The following PPP1R13L variants were observed in gnomAD, a reference collection of about 807,000 sequenced individuals.
PPP1R13L encodes protein phosphatase 1 regulatory subunit 13 like, also known as relA-associated inhibitor.
A neutral mutation model predicts 80.9 loss-of-function variants in PPP1R13L; 50 were observed. That is an observed-to-expected ratio of 0.62 (90% CI 0.49 to 0.78). The LOEUF is 0.78. PPP1R13L is among the 30% of genes least tolerant of loss of function. The probability of loss-of-function intolerance (pLI) is 0.00; values close to 1 mark genes in which losing one functional copy is unlikely to be tolerated. For synonymous variants in PPP1R13L, 602 were observed against 534.3 expected, an observed-to-expected ratio of 1.13 and a Z score of -1.75; for missense variants, 1,200 against 1,205.9, an observed-to-expected ratio of 1.00 and a Z score of 0.07.
intron 1 of PPP1R13L, among the ~76,000 whole-genome samples, chr19:45,398,725 A>G (rs1973168506): frequency 6.7e-6 from 1 of 149,590 alleles, no homozygotes; most frequent in Non-Finnish European, 1.5e-5. Flanking sequence ...CTGGGACTAC[A>G]AGCGCGCGCC....
chr19:45,393,027 A>C (rs1393683329), intron 7 of PPP1R13L: 1 of 147,780 alleles, frequency 6.8e-6, no homozygotes, highest in East Asian at 2.0e-4. Context: ...AAAAAAAAAA[A>C]AAAAAAAAAT....
In PPP1R13L at chr19:45,385,887, T is replaced by G; in HGVS notation, c.2018A>C (p.Tyr673Ser). The G allele has an allele frequency of 6.2e-7, 1 of 1,610,690 alleles. No individual in the cohort carries two copies. Among genetic ancestry groups the G allele is most frequent in the East Asian group, 2.2e-5 (1 of 44,752 alleles). The change falls in exon 10 of 13, where the codon TAC (tyrosine) becomes TCC (serine). Residue 673 changes from tyrosine (Y) to serine (S), a missense_variant. Physicochemically the swap from Tyr to Ser is moderately radical, Grantham distance 144. This residue lies in a region of PPP1R13L where 214 missense variants were observed against 199.6 expected (regional missense o/e 1.07). Coordinates refer to ENST00000360957, the MANE Select transcript of PPP1R13L (RefSeq NM_006663.4). ...GGTGATGAGGAAATCCACGATAGAG[T>G]AGTTGGCGCCGCAGATGGCGTTGTG... ...ALHNAICGAN[Y>S]SIVDFLITAG...
chr19:45,396,577 C>T lies in PPP1R13L; in HGVS notation c.680G>A (p.Gly227Asp), dbSNP rs762326585. 6.6e-6 allele frequency: 10 copies of T among 1,505,104 alleles called. No individual in the cohort carries two copies. The South Asian group carries it at 1.2e-4, about 18-fold the overall frequency. 93.2% of individuals were successfully genotyped at this position (1,505,104 alleles called of 1,614,324 possible). ...GCGCAGAGGCGGGGCGAATGCGCTG[C>T]CGCCGGAGCCTAGCAGGGAGCTCCC... The part of the protein sequence containing the change: ...AFGSSLLGSG[G>D]SAFAPPLRAQ... The change falls in exon 4 of 13, where the codon GGC becomes GAC. Residue 227 changes from glycine (G) to aspartate (D), a missense_variant. Physicochemically the swap from Gly to Asp is moderately conservative, Grantham distance 94. Coordinates refer to ENST00000360957, the MANE Select transcript of PPP1R13L (RefSeq NM_006663.4). The surrounding 1 kb of genome is among the most constrained non-coding windows in gnomAD (Gnocchi z 5.3).
Position 45,396,397 on chromosome 19 carries a change from T to C in PPP1R13L, c.752A>G (p.Asn251Ser). ...GTACGCCACGTCCAGGTCAGACTCG[T>C]TCCAGGCTTTCGGAGGCCGCCGGCG... is the stretch of plus-strand genomic sequence containing the variant. ...TLRRRPPKAW[N>S]ESDLDVAYEK... Residue 251 changes from asparagine to serine, a missense_variant, in exon 5 of 13, where the codon AAC becomes AGC. Asn to Ser is a conservative substitution (Grantham distance 46). This residue lies in a region of PPP1R13L where 764 missense variants were observed against 714.5 expected (regional missense o/e 1.07). Coordinates refer to ENST00000360957, the MANE Select transcript of PPP1R13L (RefSeq NM_006663.4). The surrounding 1 kb of genome is among the most constrained non-coding windows in gnomAD (Gnocchi z 5.3). The C allele has an allele frequency of 6.2e-7, 1 of 1,614,068 alleles. No homozygotes were observed. Among genetic ancestry groups the C allele is most frequent in the Non-Finnish European group, 8.5e-7 (1 of 1,179,964 alleles).
Position 45,386,059 on chromosome 19 carries a change from G to A in PPP1R13L, c.1937C>T (p.Ala646Val), listed in dbSNP as rs368177844. 9 of 1,586,144 alleles carry A rather than the reference G, an allele frequency of 5.7e-6. No homozygotes were observed. In the African/African-American group the frequency reaches 9.4e-5, roughly 17 times the overall value. Residue 646 changes from alanine to valine, a missense_variant, in exon 9 of 13, where the codon GCG becomes GTG. Physicochemically the swap from Ala to Val is moderately conservative, Grantham distance 64. This residue lies in a region of PPP1R13L where 214 missense variants were observed against 199.6 expected (regional missense o/e 1.07). Coordinates refer to ENST00000360957, the MANE Select transcript of PPP1R13L (RefSeq NM_006663.4). ...CTCAGCAGCGCTCACCTCCTTCACC[G>A]CCTGCTGCACCACCTCCAGCTCCCC... The part of the protein sequence containing the change: ...LTGELEVVQQ[A>V]VKEMNDPSQP...
In PPP1R13L at chr19:45,404,949, G is replaced by A. The variant is rs896621326; in HGVS notation, c.-22+50C>T. On this transcript the variant is annotated intron_variant, in intron 1 of 12. Transcript: ENST00000360957. ...CCCCTCCCAATCCTCCCAGGGACGCGGGTGTTGGGCTTTTTCAGGGCCTCT... is the reference window on the plus strand; with the variant it reads ...CCCCTCCCAATCCTCCCAGGGACGCAGGTGTTGGGCTTTTTCAGGGCCTCT... The A allele has an allele frequency of 2.0e-5, 19 of 974,306 alleles. No individual in the cohort carries two copies. The Middle Eastern group carries it at 2.1e-3, about 107-fold the overall frequency. 60.4% of individuals were successfully genotyped at this position (974,306 alleles called of 1,614,324 possible).
intron 11 of PPP1R13L, among the ~76,000 whole-genome samples, chr19:45,385,248 G>A (rs956917998): frequency 3.3e-5 from 5 of 152,180 alleles, no homozygotes; most frequent in African/African-American, 1.2e-4. Context: ...CCTATGCCAG[G>A]TAGATGGCAG....
At chr19:45,386,421 G>A (rs1440070741) in intron 8 of PPP1R13L, among the ~76,000 whole-genome samples, 1 of 152,054 alleles carries the variant, frequency 6.6e-6, no homozygotes, top group Non-Finnish European at 1.5e-5. Flanking sequence ...GAGAAAGCTG[G>A]GGGGCCATGG....
intron 8 of PPP1R13L, among the ~76,000 whole-genome samples, chr19:45,387,113 A>G (rs905921210): frequency 6.6e-6 from 1 of 151,804 alleles, no homozygotes; most frequent in African/African-American, 2.4e-5. Context: ...TACAAAAAAT[A>G]AAAAATTAGC....
chr19:45,381,043 A>AATATATAAATATATAATATATATTAT lies in PPP1R13L; in HGVS notation c.2449-816_2449-815insATAATATATATTATATATTTATATAT, dbSNP rs1465353273. On this transcript the variant is annotated intron_variant, in intron 12 of 12. Transcript: ENST00000360957. ...TCTGTTATATTATATATAAATATAT[A>AATATATAAATATATAATATATATTAT]TTATATATTTATATATTATATATTT... Among the ~76,000 whole-genome samples the AATATATAAATATATAATATATATTAT allele has an allele frequency of 1.1e-4, 16 of 147,196 alleles. No homozygotes were observed. The East Asian group carries it at 2.9e-3, about 27-fold the overall frequency.
Position 45,392,269 on chromosome 19 carries a change from C to G in PPP1R13L, c.1426G>C (p.Ala476Pro). Reference protein sequence around the residue: ...IEGLLTPVLEAGDVDEGPVAR... With the variant: ...IEGLLTPVLEPGDVDEGPVAR... ...ACAGGGCCTTCATCCACATCGCCAG[C>G]CTCCAGCACTGGTGTCAGCAGCCCC... Residue 476 changes from alanine (A) to proline (P), a missense_variant, in exon 8 of 13, where the codon GCT becomes CCT. Physicochemically the swap from Ala to Pro is conservative, Grantham distance 27 (BLOSUM62 -1). Transcript: ENST00000360957. 6.2e-7 allele frequency: 1 copy of G among 1,613,518 alleles called. No homozygotes were observed.
intron 8 of PPP1R13L, among the ~76,000 whole-genome samples, chr19:45,387,328 T>C (rs1326990053): frequency 2.6e-5 from 4 of 152,170 alleles, no homozygotes; most frequent in African/African-American, 7.2e-5. Flanking sequence ...TTTGTGATTC[T>C]GGTCTTTGCT....
At position 45,396,096 on chromosome 19, in the gene PPP1R13L, G is replaced by T; in HGVS notation, c.903+72C>A. 6.7e-7 allele frequency: 1 copy of T among 1,501,786 alleles called. No individual in the cohort carries two copies. Among genetic ancestry groups the T allele is most frequent in the Non-Finnish European group, 9.0e-7 (1 of 1,113,370 alleles). 93.0% of individuals were successfully genotyped at this position (1,501,786 alleles called of 1,614,324 possible). ...GATCGCAGCCCCGAGGGGGAGACTG[G>T]CCTTGACCCCGCTCCCCCACCCCAC... On this transcript the variant is annotated intron_variant, in intron 6 of 12. Coordinates refer to ENST00000360957, the MANE Select transcript of PPP1R13L (RefSeq NM_006663.4). This position sits in a 1 kb window ranked among gnomAD's most constrained non-coding sequence, Gnocchi z 5.3.
intron 11 of PPP1R13L, among the ~76,000 whole-genome samples, chr19:45,383,292 C>A (rs558371059): frequency 2.6e-5 from 3 of 114,308 alleles, no homozygotes; most frequent in African/African-American, 4.1e-5. Context: ...CCGCGCCCGG[C>A]CTTTTTTTTT....
At chr19:45,397,964 G>A in intron 3 of PPP1R13L, 41 bp downstream of exon 3, 15 of 1,583,906 alleles carry the variant, frequency 9.5e-6, no homozygotes, top group Non-Finnish European at 1.2e-5. Flanking sequence ...GGACTGTGGC[G>A]AGAGGCTGGC....
At chr19:45,399,421 G>A (rs531000330) in intron 1 of PPP1R13L, among the ~76,000 whole-genome samples, 205 of 146,632 alleles carry the variant, frequency 1.4e-3, no homozygotes, top group African/African-American at 4.8e-3. Flanking sequence ...TCAGGAGAGC[G>A]AGACCATCCT....
In PPP1R13L at chr19:45,396,749, C is replaced by A; in HGVS notation, c.508G>T (p.Gly170Cys). Residue 170 changes from glycine to cysteine, a missense_variant, in exon 4 of 13, where the codon GGT becomes TGT. Gly to Cys is a radical substitution (Grantham distance 159, BLOSUM62 -3). Around this residue, in one of 5 missense-constraint regions of PPP1R13L, gnomAD observed 764 missense variants for 714.5 expected, o/e 1.07. Transcript: ENST00000360957. This position sits in a 1 kb window ranked among gnomAD's most constrained non-coding sequence, Gnocchi z 5.3. ...RPGPGPLRQQ[G>C]PPTPFDFLGR... ...AGGAAGTCGAAAGGCGTGGGGGGACCCTGCTGGCGGAGCGGGCCTGGCCCG... is the reference window on the plus strand; with the variant it reads ...AGGAAGTCGAAAGGCGTGGGGGGACACTGCTGGCGGAGCGGGCCTGGCCCG... The A allele has an allele frequency of 7.3e-7, 1 of 1,361,342 alleles. No individual in the cohort carries two copies. The highest frequency in any genetic ancestry group is 1.9e-5 in the South Asian group (1 of 53,264). 84.3% of individuals were successfully genotyped at this position (1,361,342 alleles called of 1,614,324 possible).
At chr19:45,400,085 C>T (rs889057819) in intron 1 of PPP1R13L, among the ~76,000 whole-genome samples, 4 of 152,084 alleles carry the variant, frequency 2.6e-5, no homozygotes, top group Middle Eastern at 3.4e-3. Context: ...TCAAGGTCAC[C>T]CTGCAAGAAG....
upstream of PPP1R13L, among the ~76,000 whole-genome samples, chr19:45,405,247 G>A (rs1973310989): frequency 6.6e-6 from 1 of 152,188 alleles, no homozygotes; most frequent in Non-Finnish European, 1.5e-5. Flanking sequence ...TTCACAGACA[G>A]GAAGGGCGAG....
Sources: allele counts gnomAD v4.1 joint callset (sites outside exome capture counted in the v4.1 genomes callset), GRCh38; gene constraint gnomAD v4.1.1; regional missense constraint gnomAD v4.1.1; non-coding constraint Gnocchi (gnomAD v3.1); transcripts MANE v1.5; gene names NCBI Gene and HGNC (gene_info 2026-07-23, HGNC 2026-07-21).